The following ABCA8 variants were observed in gnomAD, a reference collection of about 807,000 sequenced individuals.
ABCA8 encodes ATP binding cassette subfamily A member 8, also known as ABC-type organic anion transporter ABCA8.
A neutral mutation model predicts 192.3 loss-of-function variants in ABCA8; 177 were observed. That is an observed-to-expected ratio of 0.92 (90% CI 0.81 to 1.04). The LOEUF (loss-of-function observed/expected upper bound fraction) is 1.04. Ranked by LOEUF, ABCA8 falls within the 50% of genes least tolerant of loss-of-function variation. The pLI, the probability that ABCA8 is intolerant of heterozygous loss-of-function variation, is 0.00. For missense variants in ABCA8, 1,915 were observed against 1,904.8 expected (o/e 1.01, Z -0.10); for synonymous variants, 642 against 690.2 (o/e 0.93, Z 1.09).
Position 68,927,906 on chromosome 17 carries a change from C to A in ABCA8, c.1273+10G>T. 2 of 1,579,552 alleles carry A rather than the reference C, an allele frequency of 1.3e-6. No homozygotes were observed. The highest frequency in any genetic ancestry group is 1.7e-6 in the Non-Finnish European group (2 of 1,160,212). On this transcript the variant is annotated intron_variant, in intron 10 of 39. Transcript: ENST00000586539. ...AAATGATATATGATTTTAATCATAT[C>A]ATTACTCACTTGGCAAAATTTTTTC...
intron 21 of ABCA8, among the ~76,000 whole-genome samples, chr17:68,895,847 G>A (rs888654722): frequency 2.0e-5 from 3 of 152,064 alleles, no homozygotes; most frequent in Non-Finnish European, 4.4e-5. Flanking sequence ...CTAATCCTAA[G>A]GTGGAAGCTC....
At chr17:68,887,934 G>GATATATATATGTATAT (rs1668580784) in intron 24 of ABCA8, among the ~76,000 whole-genome samples, 2 of 57,736 alleles carry the variant, frequency 3.5e-5, no homozygotes, top group African/African-American at 1.6e-4. Flanking sequence ...ATTATATATG[G>GATATATATATGTATAT]ATATATATAT....
At chr17:68,869,866 T>G in intron 37 of ABCA8, 87 bp from the exon 38 acceptor site, 1 of 924,228 alleles carries the variant, frequency 1.1e-6, no homozygotes, top group Non-Finnish European at 1.7e-6. Context: ...TTTTTTTTTC[T>G]TTTAAAAAAT....
At chr17:68,881,281 T>G in intron 31 of ABCA8, 70 bp from the exon 32 acceptor site, 1 of 1,097,156 alleles carries the variant, frequency 9.1e-7, no homozygotes, top group South Asian at 1.3e-5. Flanking sequence ...ATAGTTGAAA[T>G]CTCACTATGT....
chr17:68,943,744 C>G (rs1000834511), intron 2 of ABCA8, among the ~76,000 whole-genome samples: 1 of 152,052 alleles, frequency 6.6e-6, no homozygotes, highest in African/African-American at 2.4e-5. Context: ...AGGGAGAAAG[C>G]AGCTGAAATG....
intron 13 of ABCA8, among the ~76,000 whole-genome samples, chr17:68,920,735 C>G (rs1029899382): frequency 6.6e-6 from 1 of 152,098 alleles, no homozygotes; most frequent in Admixed American, 6.6e-5. Flanking sequence ...AATAGGAACA[C>G]TTTTACACTG....
chr17:68,932,583 T>G lies in ABCA8; in HGVS notation c.571-69A>C. On this transcript the variant is annotated intron_variant, in intron 6 of 39. Transcript: ENST00000586539. The stretch of plus-strand genomic sequence containing the variant: ...AGCATGCAGTTTTCTTTTAACCATC[T>G]ATTTTCTTGTGGATGTATGATTGGC... The G allele has an allele frequency of 4.4e-6, 5 of 1,149,004 alleles. No homozygotes were observed. In the South Asian group the frequency reaches 6.9e-5, roughly 16 times the overall value. 71.2% of individuals were successfully genotyped at this position (1,149,004 alleles called of 1,614,324 possible).
rs769527394 is a variant in ABCA8 at position 68,875,399 on chromosome 17, A to G, written c.4492T>C (p.Cys1498Arg). The G allele has an allele frequency of 1.9e-6, 3 of 1,613,942 alleles. No individual in the cohort carries two copies. The highest frequency in any genetic ancestry group is 1.1e-5 in the South Asian group (1 of 91,084). The change falls in exon 37 of 40, where the codon TGT (cysteine) becomes CGT (arginine). Residue 1498 changes from cysteine (C) to arginine (R), a missense_variant and splice_region_variant. Coordinates refer to ENST00000586539, the MANE Select transcript of ABCA8 (RefSeq NM_001288985.2). ...VAIMVSGRLR[C>R]IGSIQHLKSK... ...TTCAGGTGTTGGATGGAACCGATAC[A>G]TCTGGAGGATGAGGTCATATGAGAA...
chr17:68,904,164 C>T lies in ABCA8; in HGVS notation c.2399-665G>A, dbSNP rs2066992923. ...GGGCGTGGTGGTGGGCACCTGTAGTCGCAGCTACTCGGGAAGCTGAGGCAG... is the reference window on the plus strand; with the variant it reads ...GGGCGTGGTGGTGGGCACCTGTAGTTGCAGCTACTCGGGAAGCTGAGGCAG... On this transcript the variant is annotated intron_variant, in intron 19 of 39. Transcript: ENST00000586539. Among the ~76,000 whole-genome samples the T allele has an allele frequency of 2.6e-5, 4 of 151,858 alleles. No homozygotes were observed. In the South Asian group the frequency reaches 8.3e-4, roughly 32 times the overall value.
chr17:68,873,136 G>A (rs1287418481), intron 37 of ABCA8, among the ~76,000 whole-genome samples: 1 of 152,116 alleles, frequency 6.6e-6, no homozygotes, highest in East Asian at 1.9e-4. Flanking sequence ...CTGCGTTCAT[G>A]GTAAGTGCCC....
intron 37 of ABCA8, among the ~76,000 whole-genome samples, chr17:68,870,424 G>T (rs2066019355): frequency 6.6e-6 from 1 of 152,168 alleles, no homozygotes; most frequent in South Asian, 2.1e-4. Context: ...CAGGTTCAGT[G>T]GGACAAAAGA....
chr17:68,894,067 T>C (rs561159864), intron 23 of ABCA8, 106 bp downstream of exon 23: 3 of 1,194,702 alleles, frequency 2.5e-6, no homozygotes, highest in African/African-American at 1.5e-5. Flanking sequence ...GTTAATTTAT[T>C]ATGCAGTGGT....
chr17:68,917,080 C>T (rs1312059690), intron 17 of ABCA8, among the ~76,000 whole-genome samples: 2 of 151,928 alleles, frequency 1.3e-5, no homozygotes, highest in Non-Finnish European at 2.9e-5. Context: ...CCATCCTGGC[C>T]AACACGGTGA....
rs756028935 is a variant in ABCA8 at position 68,875,695 on chromosome 17, C to T, written c.4409G>A (p.Gly1470Asp). The part of the protein sequence containing the change: ...IRATFRNTER[G>D]ALLTTHYMAE... ...CATGTAGTGGGTGGTTAGGAGGGCA[C>T]CCCTTTCCGTGTTTCTAAAGGTGGC... Residue 1470 changes from glycine (G) to aspartate (D), a missense_variant, in exon 36 of 40, where the codon GGT (glycine) becomes GAT (aspartate). Physicochemically the swap from Gly to Asp is moderately conservative, Grantham distance 94. Transcript: ENST00000586539. The T allele has an allele frequency of 6.2e-7, 1 of 1,614,082 alleles. No homozygotes were observed. The highest frequency in any genetic ancestry group is 1.3e-5 in the African/African-American group (1 of 75,010).
At chr17:68,946,820 A>G (rs1435170225) in intron 2 of ABCA8, among the ~76,000 whole-genome samples, 1 of 152,090 alleles carries the variant, frequency 6.6e-6, no homozygotes, top group African/African-American at 2.4e-5. Context: ...ATGCACCTTC[A>G]ATCCCCGCCA....
In ABCA8 at chr17:68,875,494, C is replaced by T; in HGVS notation, c.4491-94G>A. 3 of 1,594,026 alleles carry T rather than the reference C, an allele frequency of 1.9e-6. No individual in the cohort carries two copies. In the South Asian group the frequency reaches 3.4e-5, roughly 18 times the overall value. On this transcript the variant is annotated intron_variant, in intron 36 of 39. Transcript: ENST00000586539. ...TTTGCTGCTAGCATTGTCTCAAGGT[C>T]CCTATTGTTAGACCTGGGCACAGTC...
Position 68,905,964 on chromosome 17 carries a change from C to T in ABCA8, c.2398+80G>A, listed in dbSNP as rs562656951. 3.3e-4 allele frequency: 444 copies of T among 1,329,550 alleles called. 4 individuals carry two copies. In the African/African-American group the frequency reaches 5.9e-3, roughly 18 times the overall value. The allele number at this position is 1,329,550 out of a possible 1,614,324, so 82.4% of individuals were successfully genotyped here. ...AGAAGAGCCTTAATCATGAACCCCACATTTTGTAATCACATCTTTGGAACA... is the reference window on the plus strand; with the variant it reads ...AGAAGAGCCTTAATCATGAACCCCATATTTTGTAATCACATCTTTGGAACA... On this transcript the variant is annotated intron_variant, in intron 19 of 39. Coordinates refer to ENST00000586539, the MANE Select transcript of ABCA8 (RefSeq NM_001288985.2).
At chr17:68,926,567 T>C (rs939842918) in intron 10 of ABCA8, among the ~76,000 whole-genome samples, 2 of 152,128 alleles carry the variant, frequency 1.3e-5, no homozygotes, top group African/African-American at 4.8e-5. Context: ...AAAATATTAG[T>C]AGGCAAAAAA....
In ABCA8 at chr17:68,881,952, C is replaced by T. The variant is rs576031209; in HGVS notation, c.3857G>A (p.Arg1286His). 2.5e-5 allele frequency: 41 copies of T among 1,614,018 alleles called. No homozygotes were observed. In the East Asian group the frequency reaches 3.1e-4, roughly 12 times the overall value. The change falls in exon 31 of 40, where the codon CGC (arginine) becomes CAC (histidine). Residue 1286 changes from arginine (R) to histidine (H), a missense_variant. By Grantham distance (29) the Arg-to-His change is conservative (BLOSUM62 0). Coordinates refer to ENST00000586539, the MANE Select transcript of ABCA8 (RefSeq NM_001288985.2). ...TTTCCTCTTCCCTGCATACTCCTTGCGTAGACAGCTGGCAATGATGACTGG... is the reference window on the plus strand; with the variant it reads ...TTTCCTCTTCCCTGCATACTCCTTGTGTAGACAGCTGGCAATGATGACTGG... The part of the protein sequence containing the change: ...EKPVIIASCL[R>H]KEYAGKRKGC...
Sources: allele counts gnomAD v4.1 joint callset (sites outside exome capture counted in the v4.1 genomes callset), GRCh38; gene constraint gnomAD v4.1.1; transcripts MANE v1.5; gene names NCBI Gene and HGNC (gene_info 2026-07-23, HGNC 2026-07-21).